Variants in SORCS2 observed in about 807,000 individuals in gnomAD.
The protein encoded by SORCS2 is sortilin related VPS10 domain containing receptor 2.
SORCS2 carries 100 observed loss-of-function variants against 141.6 expected under a neutral mutation model. That is an observed-to-expected ratio of 0.71 (90% CI 0.60 to 0.83). The LOEUF is 0.83. Ranked by LOEUF, SORCS2 falls within the 40% of genes least tolerant of loss-of-function variation. SORCS2 has a pLI of 0.00. For missense variants in SORCS2, 1,646 were observed against 1,560.2 expected (o/e 1.05, Z -0.93); for synonymous variants, 789 against 676.9 (o/e 1.17, Z -2.57).
chr4:7,625,772 A>G (rs1331786887), intron 3 of SORCS2, among the ~76,000 whole-genome samples: 1 of 151,952 alleles, frequency 6.6e-6, no homozygotes, highest in Non-Finnish European at 1.5e-5. Context: ...GGAGGGAAGA[A>G]AGAAGGTAGA....
chr4:7,452,878 G>A (rs573239102), intron 2 of SORCS2, among the ~76,000 whole-genome samples: 59 of 146,936 alleles, frequency 4.0e-4, no homozygotes, highest in African/African-American at 1.4e-3. Flanking sequence ...GTCAGGTGCC[G>A]TGTTGGGGTC....
chr4:7,633,143 G>A (rs1292969517), intron 3 of SORCS2, among the ~76,000 whole-genome samples: 1 of 152,198 alleles, frequency 6.6e-6, no homozygotes, highest in South Asian at 2.1e-4. Flanking sequence ...TTAGTTCTGA[G>A]TCACCAGTGG....
At chr4:7,392,044 A>C (rs1196488139) in intron 1 of SORCS2, among the ~76,000 whole-genome samples, 2 of 152,236 alleles carry the variant, frequency 1.3e-5, no homozygotes. Context: ...TCGTTCAGAC[A>C]TTCTCAAGAA....
At chr4:7,545,850 TG>T (rs1713220963) in intron 3 of SORCS2, among the ~76,000 whole-genome samples, 1 of 152,238 alleles carries the variant, frequency 6.6e-6, no homozygotes, top group South Asian at 2.1e-4. Flanking sequence ...CACTCCAAAC[TG>T]GGTGACTTAA....
intron 3 of SORCS2, among the ~76,000 whole-genome samples, chr4:7,562,654 G>A (rs1358047190): frequency 6.6e-6 from 1 of 152,168 alleles, no homozygotes; most frequent in East Asian, 1.9e-4. Context: ...AGATTGGATG[G>A]CTTAAAGTAA....
intron 1 of SORCS2, among the ~76,000 whole-genome samples, chr4:7,393,617 G>T (rs547339188): frequency 2.0e-5 from 3 of 152,230 alleles, no homozygotes; most frequent in East Asian, 1.9e-4. Flanking sequence ...GTAAAACAGG[G>T]ATAATAACAT....
chr4:7,724,861 GGTGGTGGT>G (rs1727052078), intron 19 of SORCS2, among the ~76,000 whole-genome samples: 4 of 100,226 alleles, frequency 4.0e-5, no homozygotes, highest in African/African-American at 1.2e-4. Flanking sequence ...TAGTGGTGAT[GGTGGTGGT>G]AGTGGTGATG....
chr4:7,458,349 A>G (rs1234727296), intron 2 of SORCS2, among the ~76,000 whole-genome samples: 2 of 152,100 alleles, frequency 1.3e-5, no homozygotes, highest in Admixed American at 6.5e-5. Context: ...GCCTCAGCGG[A>G]GCAGGGCTGG....
intron 21 of SORCS2, among the ~76,000 whole-genome samples, chr4:7,727,378 C>A (rs977027054): frequency 2.0e-5 from 3 of 152,150 alleles, no homozygotes; most frequent in African/African-American, 7.2e-5. Context: ...GGCTCTTAGT[C>A]CCTCGTGGGA....
At position 7,511,046 on chromosome 4, in the gene SORCS2, C is replaced by T. The variant is rs184329458; in HGVS notation, c.549-20484C>T. On this transcript the variant is annotated intron_variant, in intron 2 of 26. Transcript: ENST00000507866. ...GTCCCCAGACCTTTCTGTTGTGGGA[C>T]GTCCACTCTTGACACTATCTCAGGG... Among the ~76,000 whole-genome samples, 146 of 152,246 alleles carry T rather than the reference C, an allele frequency of 9.6e-4. 1 individual carries two copies. The highest frequency in any genetic ancestry group is 2.5e-3 in the African/African-American group (105 of 41,540).
chr4:7,391,258 C>T (rs1038390032), intron 1 of SORCS2, among the ~76,000 whole-genome samples: 1 of 152,204 alleles, frequency 6.6e-6, no homozygotes, highest in African/African-American at 2.4e-5. Flanking sequence ...TGCTGCTGGC[C>T]CATCAGCCCT....
intron 11 of SORCS2, among the ~76,000 whole-genome samples, chr4:7,692,617 G>T (rs1000507630): frequency 2.6e-5 from 4 of 152,224 alleles, no homozygotes; most frequent in African/African-American, 9.6e-5. Flanking sequence ...GCTGCTCGGG[G>T]TTGAACAGAG....
chr4:7,618,339 G>T (rs1718902717), intron 3 of SORCS2, among the ~76,000 whole-genome samples: 1 of 152,102 alleles, frequency 6.6e-6, no homozygotes, highest in African/African-American at 2.4e-5. Flanking sequence ...CAGGGCCCAA[G>T]CACGCCCATC....
At chr4:7,699,471 C>T (rs1381734695) in intron 12 of SORCS2, among the ~76,000 whole-genome samples, 2 of 152,128 alleles carry the variant, frequency 1.3e-5, no homozygotes, top group African/African-American at 2.4e-5. Flanking sequence ...TGGTGTGCAC[C>T]GGCTCAGGGG....
intron 1 of SORCS2, among the ~76,000 whole-genome samples, chr4:7,268,571 C>T (rs1305767498): frequency 1.3e-5 from 2 of 152,206 alleles, no homozygotes; most frequent in Non-Finnish European, 2.9e-5. Flanking sequence ...CCTCCGAGGG[C>T]CCATGTGTGT....
At chr4:7,592,564 G>T (rs1157172696) in intron 3 of SORCS2, among the ~76,000 whole-genome samples, 1 of 152,206 alleles carries the variant, frequency 6.6e-6, no homozygotes, top group African/African-American at 2.4e-5. Flanking sequence ...GTCACTTCAG[G>T]CTAGGACCAT....
At chr4:7,582,548 T>C (rs78696851) in intron 3 of SORCS2, among the ~76,000 whole-genome samples, 7 of 152,174 alleles carry the variant, frequency 4.6e-5, no homozygotes, top group Non-Finnish European at 8.8e-5. Context: ...CATTCGTAGA[T>C]GACCTGCTTC....
chr4:7,454,142 G>C (rs1728694385), intron 2 of SORCS2, among the ~76,000 whole-genome samples: 1 of 126,570 alleles, frequency 7.9e-6, no homozygotes, highest in African/African-American at 3.1e-5. Context: ...GTCAGGAGCT[G>C]TGTGTTGGGG....
intron 1 of SORCS2, among the ~76,000 whole-genome samples, chr4:7,321,514 C>T (rs1032625220): frequency 3.3e-5 from 5 of 152,178 alleles, no homozygotes; most frequent in Non-Finnish European, 1.5e-5. Context: ...AACTCAATCC[C>T]GGGACTCTTT....
Sources: gnomAD v4.1 joint callset for allele counts (sites outside exome capture counted in the v4.1 genomes callset) on GRCh38, gnomAD v4.1.1 for gene constraint, MANE v1.5 for transcripts, NCBI Gene and HGNC (gene_info 2026-07-23, HGNC 2026-07-21) for gene names.